LHX8: variants seen among roughly 807,000 people sequenced by gnomAD.
LHX8 encodes LIM homeobox 8.
A neutral mutation model predicts 40.3 loss-of-function variants in LHX8; 12 were observed. The ratio of observed to expected loss-of-function variants is 0.30; its 90% CI spans 0.19 to 0.48. The LOEUF is 0.48. Ranked by LOEUF, LHX8 falls within the 20% of genes least tolerant of loss-of-function variation. LHX8 has a pLI of 0.99. For synonymous variants in LHX8, 179 were observed against 162.0 expected (o/e 1.10, Z -0.80); for missense variants, 344 against 433.7 (o/e 0.79, Z 1.84).
downstream of LHX8, among the ~76,000 whole-genome samples, chr1:75,163,294 A>G (rs573094847): frequency 6.6e-6 from 1 of 152,324 alleles, no homozygotes; most frequent in Non-Finnish European, 1.5e-5. Flanking sequence ...TGATAGCTGT[A>G]GTATTTCTTG....
At chr1:75,147,638 C>A (rs771397340) in intron 6 of LHX8, among the ~76,000 whole-genome samples, 1 of 152,272 alleles carries the variant, frequency 6.6e-6, no homozygotes, top group Non-Finnish European at 1.5e-5. Flanking sequence ...TGTAGACAAG[C>A]ACAATCACAT....
At chr1:75,130,594 C>T, upstream of LHX8, 1 of 917,942 alleles carries the variant, frequency 1.1e-6, no homozygotes, top group Non-Finnish European at 1.8e-6. Context: ...CCTCCACTGG[C>T]GTGAATAAAA....
chr1:75,163,411 G>A (rs992027651), downstream of LHX8, among the ~76,000 whole-genome samples: 1 of 152,132 alleles, frequency 6.6e-6, no homozygotes, highest in African/African-American at 2.4e-5. Flanking sequence ...CAAAAGTAAT[G>A]TTTCTATTTT....
intron 7 of LHX8, among the ~76,000 whole-genome samples, chr1:75,154,694 T>A (rs1459600633): frequency 6.6e-6 from 1 of 152,012 alleles, no homozygotes; most frequent in Non-Finnish European, 1.5e-5. Context: ...GGCAGAACTG[T>A]GGAGTTTGGG....
At chr1:75,130,996 C>A, upstream of LHX8, 5 of 550,026 alleles carry the variant, frequency 9.1e-6, no homozygotes, top group South Asian at 9.9e-5. Context: ...TCCTACAGTC[C>A]TATGGCCCAC....
At chr1:75,170,010 C>G in the LHX8 span, among the ~76,000 whole-genome samples, 1 of 152,178 alleles carries the variant, frequency 6.6e-6, no homozygotes. Context: ...CCATTTTTTC[C>G]TTTTCAGCAG....
chr1:75,180,427 C>A, the LHX8 span, among the ~76,000 whole-genome samples: 33 of 152,134 alleles, frequency 2.2e-4, 1 homozygote, highest in East Asian at 3.3e-3. Flanking sequence ...CTTCTGACTT[C>A]ATTTCATTAA....
the LHX8 span, among the ~76,000 whole-genome samples, chr1:75,180,167 C>T: frequency 2.6e-5 from 4 of 152,070 alleles, no homozygotes; most frequent in African/African-American, 9.7e-5. Context: ...AATAATGTGT[C>T]TTGGGGTTGC....
chr1:75,176,640 G>GGTA, the LHX8 span, among the ~76,000 whole-genome samples: 5 of 152,104 alleles, frequency 3.3e-5, no homozygotes, highest in African/African-American at 1.2e-4. Context: ...TCACTCTGAT[G>GGTA]GTAGTTTCTT....
At chr1:75,147,971 A>T (rs1277750989) in intron 6 of LHX8, among the ~76,000 whole-genome samples, 2 of 152,212 alleles carry the variant, frequency 1.3e-5, no homozygotes, top group African/African-American at 4.8e-5. Context: ...TTCAATCCAA[A>T]GGCTTACATC....
At chr1:75,184,064 A>G in the LHX8 span, among the ~76,000 whole-genome samples, 2 of 152,228 alleles carry the variant, frequency 1.3e-5, no homozygotes, top group South Asian at 2.1e-4. Flanking sequence ...GTGCAATTCA[A>G]CAAGAAGACC....
intron 3 of LHX8, among the ~76,000 whole-genome samples, chr1:75,137,770 C>T (rs1026294597): frequency 6.6e-6 from 1 of 152,182 alleles, no homozygotes; most frequent in Admixed American, 6.5e-5. Context: ...GTGAAAGCCA[C>T]TGTAAAGTAG....
At chr1:75,189,855 A>C in the LHX8 span, among the ~76,000 whole-genome samples, 1 of 152,218 alleles carries the variant, frequency 6.6e-6, no homozygotes, top group Non-Finnish European at 1.5e-5. Context: ...TCTAACACTA[A>C]TACTGAATAT....
chr1:75,184,085 A>T, the LHX8 span, among the ~76,000 whole-genome samples: 1 of 152,224 alleles, frequency 6.6e-6, no homozygotes, highest in South Asian at 2.1e-4. Context: ...TAACTATCCT[A>T]AATATATATG....
At chr1:75,181,891 A>G in the LHX8 span, among the ~76,000 whole-genome samples, 3 of 151,682 alleles carry the variant, frequency 2.0e-5, no homozygotes, top group African/African-American at 7.3e-5. Context: ...TAGATTCTGG[A>G]TATTAGTCCT....
the LHX8 span, among the ~76,000 whole-genome samples, chr1:75,192,148 T>A: frequency 6.6e-6 from 1 of 152,232 alleles, no homozygotes; most frequent in African/African-American, 2.4e-5. Flanking sequence ...TTAAGACATC[T>A]GGAACAGTGA....
At chr1:75,129,279 G>A (rs1272425862) in intron 1 of LHX8, among the ~76,000 whole-genome samples, 2 of 152,064 alleles carry the variant, frequency 1.3e-5, no homozygotes, top group Non-Finnish European at 2.9e-5. Context: ...CTCCCATGAA[G>A]GAAGGAAGGC....
At chr1:75,147,091 T>A (rs1392058530) in intron 6 of LHX8, among the ~76,000 whole-genome samples, 1 of 151,980 alleles carries the variant, frequency 6.6e-6, no homozygotes, top group Non-Finnish European at 1.5e-5. Context: ...ACATTTGGAG[T>A]AGGAAAGAAA....
chr1:75,155,679 C>A (rs994608062), intron 7 of LHX8, among the ~76,000 whole-genome samples: 1 of 152,180 alleles, frequency 6.6e-6, no homozygotes, highest in South Asian at 2.1e-4. Context: ...GAATTTGCTT[C>A]TTTTATTTCT....
Sources: gnomAD v4.1 joint callset for allele counts (sites outside exome capture counted in the v4.1 genomes callset) on GRCh38, gnomAD v4.1.1 for gene constraint, MANE v1.5 for transcripts, NCBI Gene and HGNC (gene_info 2026-07-23, HGNC 2026-07-21) for gene names.